ADGRE2: variants seen among roughly 807,000 people sequenced by gnomAD.
ADGRE2 encodes the protein adhesion G protein-coupled receptor E2.
Under a neutral mutation model 100.8 loss-of-function variants are expected in ADGRE2, and 83 were observed. The observed-to-expected ratio is 0.82, with a 90% confidence interval of 0.69 to 0.99. The LOEUF is 0.99. ADGRE2 is among the 50% of genes least tolerant of loss of function. The pLI, the probability that ADGRE2 is intolerant of heterozygous loss-of-function variation, is 0.00. For synonymous variants in ADGRE2, 355 were observed against 413.0 expected (o/e 0.86, Z 1.70); for missense variants, 814 against 1,035.7 (o/e 0.79, Z 2.94).
intron 17 of ADGRE2, 73 bp downstream of exon 17, chr19:14,746,823 C>A: frequency 6.8e-7 from 1 of 1,460,634 alleles, no homozygotes; most frequent in South Asian, 1.2e-5. Flanking sequence ...CTGCTCTTGT[C>A]ACCATCTTTA....
chr19:14,761,060 T>C (rs2147343422), intron 11 of ADGRE2, among the ~76,000 whole-genome samples: 1 of 152,314 alleles, frequency 6.6e-6, no homozygotes, highest in Non-Finnish European at 1.5e-5. Context: ...AACCAATGTA[T>C]AGCTTAAACA....
rs934386214 is a variant in ADGRE2 at position 14,774,149 on chromosome 19, G to C, written c.83-95C>G. On this transcript the variant is annotated intron_variant, in intron 3 of 20. Coordinates refer to ENST00000315576, the MANE Select transcript of ADGRE2 (RefSeq NM_013447.4). ...GATGGGGCAGAGCGCTGAGTTTCCC[G>C]TGCACGAGCCCTCTCTTTCCCTGGG... 3.3e-6 allele frequency: 5 copies of C among 1,523,222 alleles called. No homozygotes were observed. The African/African-American group carries it at 6.8e-5, about 21-fold the overall frequency. The allele number at this position is 1,523,222 out of a possible 1,614,324, so 94.4% of individuals were successfully genotyped here.
Position 14,765,578 on chromosome 19 carries a change from G to C in ADGRE2, c.782-8C>G, listed in dbSNP as rs768143818. Reference sequence around the variant, plus strand: ...AGGTGGAGAAAGTCATATCTGTAGGGAACAAGACAAGCGGCTCATTAGGCG... The same window carrying C: ...AGGTGGAGAAAGTCATATCTGTAGGCAACAAGACAAGCGGCTCATTAGGCG... On this transcript the variant is annotated splice_polypyrimidine_tract_variant and splice_region_variant and intron_variant, in intron 8 of 20. Transcript: ENST00000315576. 25 of 1,614,182 alleles carry C rather than the reference G, an allele frequency of 1.5e-5. No homozygotes were observed. In the Admixed American group the frequency reaches 2.8e-4, roughly 18 times the overall value.
chr19:14,776,641 G>T (rs1599897443), intron 2 of ADGRE2, 85 bp downstream of exon 2: 1 of 1,455,738 alleles, frequency 6.9e-7, no homozygotes. Context: ...AGACACCAGC[G>T]GCGCCTCCCG....
intron 11 of ADGRE2, among the ~76,000 whole-genome samples, chr19:14,764,112 G>A (rs1337002887): frequency 6.6e-6 from 1 of 151,738 alleles, no homozygotes; most frequent in Non-Finnish European, 1.5e-5. Flanking sequence ...AACCAGGCTG[G>A]AGTACAGTGA....
Position 14,774,070 on chromosome 19 carries a change from G to A in ADGRE2, c.83-16C>T. ...CGGGCACAGCCTGCAAGAGCAGGGAGCACGGTCAGAAGGTGAGGGGTAAGG... is the reference window on the plus strand; with the variant it reads ...CGGGCACAGCCTGCAAGAGCAGGGAACACGGTCAGAAGGTGAGGGGTAAGG... On this transcript the variant is annotated splice_polypyrimidine_tract_variant and intron_variant, in intron 3 of 20. Coordinates refer to ENST00000315576, the MANE Select transcript of ADGRE2 (RefSeq NM_013447.4). 1 of 1,611,248 alleles carries A rather than the reference G, an allele frequency of 6.2e-7. No homozygotes were observed. Among genetic ancestry groups the A allele is most frequent in the Non-Finnish European group, 8.5e-7 (1 of 1,177,598 alleles).
chr19:14,744,600 G>T (rs1450409407), intron 18 of ADGRE2, among the ~76,000 whole-genome samples: 1 of 151,480 alleles, frequency 6.6e-6, no homozygotes, highest in African/African-American at 2.4e-5. Context: ...GATTATAGAC[G>T]CCCACCACCA....
At chr19:14,729,437 C>T (rs1404352558), downstream of ADGRE2, among the ~76,000 whole-genome samples, 2 of 152,020 alleles carry the variant, frequency 1.3e-5, no homozygotes, top group African/African-American at 2.4e-5. Flanking sequence ...CAGCTCACTG[C>T]AGCCTCAAAC....
intron 14 of ADGRE2, among the ~76,000 whole-genome samples, chr19:14,754,637 A>G (rs528488824): frequency 6.6e-6 from 1 of 152,288 alleles, no homozygotes; most frequent in South Asian, 2.1e-4. Flanking sequence ...AGTGGCCTCT[A>G]GGAACTGAAT....
chr19:14,745,793 C>A (rs755731210), intron 18 of ADGRE2, among the ~76,000 whole-genome samples: 1 of 152,028 alleles, frequency 6.6e-6, no homozygotes, highest in Non-Finnish European at 1.5e-5. Flanking sequence ...CTACTTTCTG[C>A]CTCCACAAGA....
At chr19:14,769,601 C>T (rs992205187) in intron 5 of ADGRE2, among the ~76,000 whole-genome samples, 3 of 152,220 alleles carry the variant, frequency 2.0e-5, no homozygotes, top group Admixed American at 6.5e-5. Context: ...GAGCCCTCTC[C>T]CACTTCATTC....
chr19:14,774,013 C>T lies in ADGRE2; in HGVS notation c.124G>A (p.Ala42Thr), dbSNP rs1215554261. 3 of 1,613,946 alleles carry T rather than the reference C, an allele frequency of 1.9e-6. No homozygotes were observed. The highest frequency in any genetic ancestry group is 2.5e-6 in the Non-Finnish European group (3 of 1,180,026). Residue 42 changes from alanine (A) to threonine (T), a missense_variant, in exon 4 of 21, where the codon GCC becomes ACC. Ala to Thr is a moderately conservative substitution (Grantham distance 58). This residue lies in a region of ADGRE2 where 143 missense variants were observed against 160.3 expected (regional missense o/e 0.89). Coordinates refer to ENST00000315576, the MANE Select transcript of ADGRE2 (RefSeq NM_013447.4). The stretch of plus-strand genomic sequence containing the variant: ...CCTGGATTGCAGCGACAGGCGGTGG[C>T]ATTGACACACGAGGAGTCCTGAGGG... ...WCPQDSSCVN[A>T]TACRCNPGFS...
chr19:14,747,112 C>T, intron 16 of ADGRE2, 150 bp from the exon 17 acceptor site: 1 of 727,990 alleles, frequency 1.4e-6, no homozygotes, highest in South Asian at 1.8e-5. Context: ...CTGTGGTTGG[C>T]TCTGAAGATA....
At chr19:14,748,291 T>C (rs1266096222) in intron 16 of ADGRE2, among the ~76,000 whole-genome samples, 1 of 148,572 alleles carries the variant, frequency 6.7e-6, no homozygotes, top group Non-Finnish European at 1.5e-5. Flanking sequence ...CCATCCATAT[T>C]GCTGCAAAGG....
chr19:14,759,428 G>A (rs536659847), intron 11 of ADGRE2, among the ~76,000 whole-genome samples: 1 of 151,704 alleles, frequency 6.6e-6, no homozygotes, highest in South Asian at 2.1e-4. Context: ...GTATCACTGG[G>A]ATGAAGAGAG....
At chr19:14,756,115 T>G (rs1220382043) in intron 12 of ADGRE2, 123 bp downstream of exon 12, 1 of 843,824 alleles carries the variant, frequency 1.2e-6, no homozygotes, top group Non-Finnish European at 2.0e-6. Context: ...GACTCTCCTC[T>G]TACAGCCCCA....
At chr19:14,766,203 G>A (rs763548836) in intron 7 of ADGRE2, 32 bp downstream of exon 7, 2 of 1,614,016 alleles carry the variant, frequency 1.2e-6, no homozygotes, top group Non-Finnish European at 8.5e-7. Flanking sequence ...ATGTTTGTGG[G>A]TCTCTGGGAA....
At position 14,736,121 on chromosome 19, in the gene ADGRE2, A is replaced by C; in HGVS notation, c.*115T>G. 1.0e-6 allele frequency: 1 copy of C among 976,612 alleles called. No homozygotes were observed. The highest frequency in any genetic ancestry group is 1.6e-6 in the Non-Finnish European group (1 of 634,814). 60.5% of individuals were successfully genotyped at this position (976,612 alleles called of 1,614,324 possible). On this transcript the variant is annotated 3_prime_UTR_variant, in exon 21 of 21. Coordinates refer to ENST00000315576, the MANE Select transcript of ADGRE2 (RefSeq NM_013447.4). ...CCATAACATCCTTCATATTGCTGAC[A>C]TGGTGAATTTCTTGAAACACACAGA...
At chr19:14,773,839 T>TAAGG (rs146246294) in intron 4 of ADGRE2, 99 bp downstream of exon 4, 46,904 of 1,087,506 alleles carry the variant, frequency 0.043, 2,009 homozygotes, top group African/African-American at 0.14. Flanking sequence ...GTCTGGAAGG[T>TAAGG]AAGGCTGTGG....
Sources: allele counts gnomAD v4.1 joint callset (sites outside exome capture counted in the v4.1 genomes callset), GRCh38; gene constraint gnomAD v4.1.1; regional missense constraint gnomAD v4.1.1; transcripts MANE v1.5; gene names NCBI Gene and HGNC (gene_info 2026-07-23, HGNC 2026-07-21).